The following KCNJ12 variants were observed in gnomAD, a reference collection of about 807,000 sequenced individuals.
KCNJ12 encodes potassium inwardly rectifying channel subfamily J member 12.
A neutral mutation model predicts 22.3 loss-of-function variants in KCNJ12; 2 were observed. The ratio of observed to expected loss-of-function variants is 0.09; its 90% CI spans 0.04 to 0.28. The LOEUF (loss-of-function observed/expected upper bound fraction) is 0.28, where lower values mean the gene tolerates loss of function less well. Ranked by LOEUF, KCNJ12 falls within the 10% of genes least tolerant of loss-of-function variation. KCNJ12 has a pLI of 1.00. For synonymous variants in KCNJ12, 117 were observed against 261.4 expected, an observed-to-expected ratio of 0.45 and a Z score of 5.33; for missense variants, 155 against 633.3, an observed-to-expected ratio of 0.24 and a Z score of 8.11.
intron 1 of KCNJ12, among the ~76,000 whole-genome samples, chr17:21,381,238 C>T (rs1240520251): frequency 6.6e-6 from 1 of 152,164 alleles, no homozygotes; most frequent in Admixed American, 6.5e-5. Flanking sequence ...CTCCTGCCCT[C>T]ACCTGCAGCC....
chr17:21,382,915 G>A (rs59973902), intron 1 of KCNJ12, among the ~76,000 whole-genome samples: 9,285 of 152,292 alleles, frequency 0.061, 411 homozygotes, highest in African/African-American at 0.13. Context: ...AGGGTGCGAC[G>A]TGACACCTCC....
At chr17:21,401,662 G>A (rs1280816498) in intron 1 of KCNJ12, among the ~76,000 whole-genome samples, 1 of 152,242 alleles carries the variant, frequency 6.6e-6, no homozygotes, top group East Asian at 1.9e-4. Context: ...GAGTGGCCTT[G>A]GGTGGGCTGC....
intron 1 of KCNJ12, among the ~76,000 whole-genome samples, chr17:21,378,493 G>A (rs1382771608): frequency 5.9e-5 from 9 of 152,290 alleles, no homozygotes; most frequent in African/African-American, 1.9e-4. Flanking sequence ...CTGGGGGCCT[G>A]CCATTTGGTG....
At chr17:21,413,032 AGCGG>A (rs1906461559) in intron 2 of KCNJ12, among the ~76,000 whole-genome samples, 1 of 123,730 alleles carries the variant, frequency 8.1e-6, no homozygotes, top group Admixed American at 8.4e-5. Flanking sequence ...TGCTCGGACC[AGCGG>A]GCTCGGGGCT....
At chr17:21,383,639 C>T (rs1164957505) in intron 1 of KCNJ12, among the ~76,000 whole-genome samples, 10 of 152,228 alleles carry the variant, frequency 6.6e-5, no homozygotes, top group African/African-American at 2.4e-4. Flanking sequence ...TCCCCAATCA[C>T]AAGCCACCCC....
intron 2 of KCNJ12, among the ~76,000 whole-genome samples, chr17:21,409,108 A>C (rs1906163243): frequency 6.6e-6 from 1 of 152,306 alleles, no homozygotes; most frequent in Non-Finnish European, 1.5e-5. Flanking sequence ...TACCTGCATC[A>C]GCCTCTCTAG....
intron 2 of KCNJ12, among the ~76,000 whole-genome samples, chr17:21,410,169 G>T (rs1164359423): frequency 6.6e-6 from 1 of 152,166 alleles, no homozygotes; most frequent in Non-Finnish European, 1.5e-5. Flanking sequence ...GGCTGCCTGT[G>T]CCCAGCCTAG....
At chr17:21,407,426 A>G (rs1478108820) in intron 1 of KCNJ12, among the ~76,000 whole-genome samples, 2 of 145,634 alleles carry the variant, frequency 1.4e-5, no homozygotes, top group Non-Finnish European at 3.0e-5. Flanking sequence ...CACCCACTCA[A>G]CCATATACCC....
chr17:21,385,738 T>C (rs1905051032), intron 1 of KCNJ12, among the ~76,000 whole-genome samples: 1 of 152,186 alleles, frequency 6.6e-6, no homozygotes, highest in African/African-American at 2.4e-5. Context: ...CATCCCACGG[T>C]AGATGCCCTG....
At chr17:21,407,301 C>T (rs1906006985) in intron 1 of KCNJ12, among the ~76,000 whole-genome samples, 1 of 152,290 alleles carries the variant, frequency 6.6e-6, no homozygotes, top group African/African-American at 2.4e-5. Flanking sequence ...TCCACCTGTC[C>T]ATCTATCCAC....
intron 1 of KCNJ12, among the ~76,000 whole-genome samples, chr17:21,406,572 G>GA (rs1905949539): frequency 6.6e-6 from 1 of 152,308 alleles, no homozygotes; most frequent in African/African-American, 2.4e-5. Context: ...AAGAGGGACT[G>GA]AAGGGCCACT....
intron 1 of KCNJ12, among the ~76,000 whole-genome samples, chr17:21,380,816 G>A (rs945258708): frequency 2.0e-5 from 3 of 150,694 alleles, no homozygotes; most frequent in African/African-American, 7.4e-5. Context: ...GCCCCAGATG[G>A]CAGTGGGCCC....
intron 1 of KCNJ12, among the ~76,000 whole-genome samples, chr17:21,406,674 G>A (rs1905958768): frequency 6.6e-6 from 1 of 152,308 alleles, no homozygotes; most frequent in African/African-American, 2.4e-5. Context: ...GCAGAGCTGG[G>A]ATTTGAATCT....
chr17:21,390,211 C>A (rs1487319921), intron 1 of KCNJ12, among the ~76,000 whole-genome samples: 2 of 152,222 alleles, frequency 1.3e-5, no homozygotes, highest in African/African-American at 2.4e-5. Context: ...ACAGGGCCCA[C>A]CCCTCTTGCC....
chr17:21,406,108 C>T (rs1186780909), intron 1 of KCNJ12, among the ~76,000 whole-genome samples: 3 of 152,308 alleles, frequency 2.0e-5, no homozygotes, highest in African/African-American at 7.2e-5. Flanking sequence ...CTTCCCATGG[C>T]CCTGTGGCAA....
chr17:21,402,997 G>T, intron 1 of KCNJ12, among the ~76,000 whole-genome samples: 1 of 152,310 alleles, frequency 6.6e-6, no homozygotes, highest in Non-Finnish European at 1.5e-5. Flanking sequence ...CACCCCACCT[G>T]GGACTTCTGT....
At chr17:21,381,871 G>A (rs1011827698) in intron 1 of KCNJ12, among the ~76,000 whole-genome samples, 2 of 152,224 alleles carry the variant, frequency 1.3e-5, no homozygotes, top group Non-Finnish European at 2.9e-5. Flanking sequence ...GCAGGAGATG[G>A]CAGGCGCCCA....
intron 1 of KCNJ12, among the ~76,000 whole-genome samples, chr17:21,388,828 C>T (rs1216091623): frequency 2.0e-5 from 3 of 152,150 alleles, no homozygotes; most frequent in African/African-American, 2.4e-5. Context: ...GAACCCCAAT[C>T]GGGAAGCCTC....
intron 1 of KCNJ12, among the ~76,000 whole-genome samples, chr17:21,382,882 C>T (rs1904922962): frequency 6.6e-6 from 1 of 152,198 alleles, no homozygotes; most frequent in Middle Eastern, 3.2e-3. Context: ...GCCCTCCCTG[C>T]CTCCACCCCA....
Sources: gnomAD v4.1 joint callset for allele counts (sites outside exome capture counted in the v4.1 genomes callset) on GRCh38, gnomAD v4.1.1 for gene constraint, MANE v1.5 for transcripts, NCBI Gene and HGNC (gene_info 2026-07-23, HGNC 2026-07-21) for gene names.